Variants in DYNC1H1 observed in about 807,000 individuals in gnomAD.
The protein encoded by DYNC1H1 is cytoplasmic dynein 1 heavy chain 1.
Under a neutral mutation model 527.1 loss-of-function variants are expected in DYNC1H1, and 51 were observed. The observed-to-expected ratio is 0.10, with a 90% confidence interval of 0.08 to 0.12. The LOEUF (loss-of-function observed/expected upper bound fraction) is 0.12, where lower values mean the gene tolerates loss of function less well. Among genes scored for constraint, DYNC1H1 ranks in the 10% least tolerant of loss-of-function variants. The pLI, the probability that DYNC1H1 is intolerant of heterozygous loss-of-function variation, is 1.00. For missense variants in DYNC1H1, 2,771 were observed against 5,971.8 expected, an observed-to-expected ratio of 0.46 and a Z score of 17.66; for synonymous variants, 2,189 against 2,278.8, an observed-to-expected ratio of 0.96 and a Z score of 1.12.
In DYNC1H1 at chr14:102,001,268, G is replaced by A; in HGVS notation, c.4309G>A (p.Val1437Ile). Reference protein sequence around the residue: ...SELTLGQIWDVDLQKNEAIVK... With the variant: ...SELTLGQIWDIDLQKNEAIVK... ...GCTAACCCTTGGCCAAATCTGGGAT[G>A]TTGACTTGCAGAAAAATGAAGCGAT... The change falls in exon 20 of 78, where the codon GTT becomes ATT. Residue 1437 changes from valine (V) to isoleucine (I), a missense_variant. Val to Ile is a conservative substitution (Grantham distance 29). Around this residue, in one of 32 missense-constraint regions of DYNC1H1, gnomAD observed 223 missense variants for 462.5 expected, o/e 0.48. Coordinates refer to ENST00000360184, the MANE Select transcript of DYNC1H1 (RefSeq NM_001376.5). The surrounding 1 kb of genome is among the most constrained non-coding windows in gnomAD (Gnocchi z 5.0). 6.2e-7 allele frequency: 1 copy of A among 1,614,250 alleles called. No homozygotes were observed.
intron 5 of DYNC1H1, among the ~76,000 whole-genome samples, chr14:101,982,261 C>T (rs1020620531): frequency 4.6e-5 from 7 of 152,110 alleles, no homozygotes; most frequent in Non-Finnish European, 1.0e-4. Context: ...AAGCTCAGGG[C>T]TCCCACAGAT....
rs748800196 is a variant in DYNC1H1 at position 102,001,777 on chromosome 14, T to A, written c.4542+96T>A. The A allele has an allele frequency of 2.6e-6, 4 of 1,552,742 alleles. No individual in the cohort carries two copies. Among genetic ancestry groups the A allele is most frequent in the Admixed American group, 1.8e-5 (1 of 56,286 alleles). On this transcript the variant is annotated intron_variant, in intron 21 of 77. Transcript: ENST00000360184. This position sits in a 1 kb window ranked among gnomAD's most constrained non-coding sequence, Gnocchi z 5.0. ...TGACAGTTACTAGGTACCTGTTTTT[T>A]ATTGTATTTTTTGAGACAGGGTCTC...
chr14:102,010,710 G>A lies in DYNC1H1; in HGVS notation c.6406-30G>A, dbSNP rs374299392. 2.9e-5 allele frequency: 46 copies of A among 1,611,236 alleles called. No homozygotes were observed. The East Asian group carries it at 4.0e-4, about 14-fold the overall frequency. ...GCGGGCAGTACTTGAGCCATGCTGC[G>A]CTGCTCACAGCCCAGCCCTCTCCCC... On this transcript the variant is annotated intron_variant, in intron 31 of 77. Coordinates refer to ENST00000360184, the MANE Select transcript of DYNC1H1 (RefSeq NM_001376.5). The surrounding 1 kb of genome is among the most constrained non-coding windows in gnomAD (Gnocchi z 6.0).
rs1023934631 is a variant in DYNC1H1, at chr14:102,033,640, ACT to A, written c.10413+157_10413+158del. Reference sequence around the variant, plus strand: ...ACTTTTTTCCTGGAAAATAATACACACTGAGTAGTCACTAAGTGTTGTTAATT... The same window carrying A: ...ACTTTTTTCCTGGAAAATAATACACAGAGTAGTCACTAAGTGTTGTTAATT... On this transcript the variant is annotated intron_variant, in intron 54 of 77. Transcript: ENST00000360184. The surrounding 1 kb of genome is among the most constrained non-coding windows in gnomAD (Gnocchi z 5.6). 14 of 906,454 alleles carry A rather than the reference ACT, an allele frequency of 1.5e-5. No homozygotes were observed. In the African/African-American group the frequency reaches 2.0e-4, roughly 13 times the overall value. 56.2% of individuals were successfully genotyped at this position (906,454 alleles called of 1,614,324 possible).
In DYNC1H1 at chr14:102,050,884, G is replaced by A. The variant is rs1209106263; in HGVS notation, c.*321G>A. 5.2e-6 allele frequency: 2 copies of A among 385,388 alleles called. No individual in the cohort carries two copies. Among genetic ancestry groups the A allele is most frequent in the East Asian group, 6.2e-5 (1 of 16,062 alleles). The allele number at this position is 385,388 out of a possible 1,614,324, so 23.9% of individuals were successfully genotyped here. On this transcript the variant is annotated 3_prime_UTR_variant, in exon 78 of 78. Transcript: ENST00000360184. ...AGGGAGGGCAGCCCACGGCAGCCAT[G>A]CCCCTCCCCACCTCGCTTTCATCAT...
At position 102,016,099 on chromosome 14, in the gene DYNC1H1, CAG is replaced by C. The variant is rs2048318238; in HGVS notation, c.7473+14_7473+15del. On this transcript the variant is annotated intron_variant, in intron 36 of 77. Coordinates refer to ENST00000360184, the MANE Select transcript of DYNC1H1 (RefSeq NM_001376.5). The surrounding 1 kb of genome is among the most constrained non-coding windows in gnomAD (Gnocchi z 7.3). ...GCGCTACATTCAGGTCAGGGGGCAT[CAG>C]GGGCTTCACAGAGCTCACCACTGCG... 2 of 1,592,604 alleles carry C rather than the reference CAG, an allele frequency of 1.3e-6. No individual in the cohort carries two copies. Among genetic ancestry groups the C allele is most frequent in the South Asian group, 1.1e-5 (1 of 88,428 alleles).
At chr14:101,978,918 C>G (rs964596029) in intron 2 of DYNC1H1, among the ~76,000 whole-genome samples, 2 of 152,158 alleles carry the variant, frequency 1.3e-5, no homozygotes, top group Non-Finnish European at 2.9e-5. Context: ...GGAGGTGAAA[C>G]AGGAAAAGCT....
rs1300781696 is a variant in DYNC1H1, at chr14:102,020,082, G to A, written c.8507+26G>A. 6 of 1,612,906 alleles carry A rather than the reference G, an allele frequency of 3.7e-6. No homozygotes were observed. Among genetic ancestry groups the A allele is most frequent in the Non-Finnish European group, 4.2e-6 (5 of 1,179,600 alleles). On this transcript the variant is annotated intron_variant, in intron 42 of 77. Transcript: ENST00000360184. This position sits in a 1 kb window ranked among gnomAD's most constrained non-coding sequence, Gnocchi z 4.3. ...GTAAGGGAAGCCGAGGATCCAGTTG[G>A]TCCCATTCTCCCCTGCTCTGAGTTC...
At position 102,039,088 on chromosome 14, in the gene DYNC1H1, C is replaced by T. The variant is rs777581372; in HGVS notation, c.11294C>T (p.Thr3765Met). Reference sequence around the variant, plus strand: ...AAAGGGCGCATTTTGGATGACGACACGATCATAACCACTCTGGAGAACCTG... The same window carrying T: ...AAAGGGCGCATTTTGGATGACGACATGATCATAACCACTCTGGAGAACCTG... ...EVKGRILDDD[T>M]IITTLENLKR... The change falls in exon 60 of 78, where the codon ACG (threonine) becomes ATG (methionine). Residue 3765 changes from threonine (T) to methionine (M), a missense_variant. Transcript: ENST00000360184. The surrounding 1 kb of genome is among the most constrained non-coding windows in gnomAD (Gnocchi z 7.0). 3 of 1,614,192 alleles carry T rather than the reference C, an allele frequency of 1.9e-6. No homozygotes were observed. The highest frequency in any genetic ancestry group is 2.5e-6 in the Non-Finnish European group (3 of 1,180,048).
Position 102,017,371 on chromosome 14 carries a change from C to G in DYNC1H1, c.8056-12C>G, listed in dbSNP as rs769278657. ...GTTTTGCTCTTAATGTGGTACCTGT[C>G]CCTTCCTTCAGATGGTGGAGCACGG... On this transcript the variant is annotated splice_polypyrimidine_tract_variant and intron_variant, in intron 39 of 77. Coordinates refer to ENST00000360184, the MANE Select transcript of DYNC1H1 (RefSeq NM_001376.5). This position sits in a 1 kb window ranked among gnomAD's most constrained non-coding sequence, Gnocchi z 4.6. 6.2e-7 allele frequency: 1 copy of G among 1,614,214 alleles called. No homozygotes were observed. Among genetic ancestry groups the G allele is most frequent in the Non-Finnish European group, 8.5e-7 (1 of 1,180,032 alleles).
In DYNC1H1 at chr14:102,044,023, C is replaced by T. The variant is rs1006275897; in HGVS notation, c.12662C>T (p.Thr4221Met). 1.2e-6 allele frequency: 2 copies of T among 1,614,004 alleles called. No homozygotes were observed. The highest frequency in any genetic ancestry group is 8.5e-7 in the Non-Finnish European group (1 of 1,180,036). The change falls in exon 70 of 78, where the codon ACG becomes ATG. Residue 4221 changes from threonine to methionine, a missense_variant. Thr to Met is a moderately conservative substitution (Grantham distance 81). This residue lies in a region of DYNC1H1 where 195 missense variants were observed against 428.6 expected (regional missense o/e 0.45). Transcript: ENST00000360184. This position sits in a 1 kb window ranked among gnomAD's most constrained non-coding sequence, Gnocchi z 7.1. ...DLRSACDTVD[T>M]WLDDTAKGRQ... is the part of the protein sequence containing the mutation. ...CGGTCAGCTTGCGATACGGTGGACA[C>T]GTGGCTGGATGACACGGCCAAGGCA...
intron 73 of DYNC1H1, 109 bp downstream of exon 73, chr14:102,048,137 A>T (rs561995178): frequency 7.3e-7 from 1 of 1,374,502 alleles, no homozygotes; most frequent in East Asian, 2.5e-5. Context: ...GACGGAACGT[A>T]CTCACACCGG....
At position 102,027,332 on chromosome 14, in the gene DYNC1H1, G is replaced by A. The variant is rs1168076551; in HGVS notation, c.8886+44G>A. ...CTCTTAATCCCAGCAACAGATGTGTGTGCAGAGCTCAGTGAGTAGGAATGG... is the reference window on the plus strand; with the variant it reads ...CTCTTAATCCCAGCAACAGATGTGTATGCAGAGCTCAGTGAGTAGGAATGG... On this transcript the variant is annotated intron_variant, in intron 45 of 77. Coordinates refer to ENST00000360184, the MANE Select transcript of DYNC1H1 (RefSeq NM_001376.5). This position sits in a 1 kb window ranked among gnomAD's most constrained non-coding sequence, Gnocchi z 7.7. 3.7e-6 allele frequency: 6 copies of A among 1,614,024 alleles called. No homozygotes were observed. The highest frequency in any genetic ancestry group is 3.3e-4 in the Middle Eastern group (2 of 6,084).
chr14:102,011,089 G>A lies in DYNC1H1; in HGVS notation c.6618+137G>A. Reference sequence around the variant, plus strand: ...TGCATAATATGCTTTATGAAGATTTGCCCAAGGCCTATTTGAATTTTTGTT... The same window carrying A: ...TGCATAATATGCTTTATGAAGATTTACCCAAGGCCTATTTGAATTTTTGTT... On this transcript the variant is annotated intron_variant, in intron 32 of 77. Transcript: ENST00000360184. The surrounding 1 kb of genome is among the most constrained non-coding windows in gnomAD (Gnocchi z 5.3). 1 of 932,578 alleles carries A rather than the reference G, an allele frequency of 1.1e-6. No individual in the cohort carries two copies. The highest frequency in any genetic ancestry group is 2.0e-5 in the Admixed American group (1 of 50,432). 57.8% of individuals were successfully genotyped at this position (932,578 alleles called of 1,614,324 possible).
rs2152594963 is a variant in DYNC1H1 at position 102,039,107 on chromosome 14, G to A, written c.11313G>A (p.Glu3771=). 1 of 1,614,238 alleles carries A rather than the reference G, an allele frequency of 6.2e-7. No homozygotes were observed. Among genetic ancestry groups the A allele is most frequent in the Middle Eastern group, 1.6e-4 (1 of 6,062 alleles). ...LDDDTIITTL[E]NLKREAAEVT... Reference sequence around the variant, plus strand: ...ACGACACGATCATAACCACTCTGGAGAACCTGAAGAGAGAGGCTGCAGAGG... The same window carrying A: ...ACGACACGATCATAACCACTCTGGAAAACCTGAAGAGAGAGGCTGCAGAGG... The change falls in exon 60 of 78, where the codon GAG becomes GAA. Residue 3771 remains glutamate, a synonymous_variant. Transcript: ENST00000360184. This position sits in a 1 kb window ranked among gnomAD's most constrained non-coding sequence, Gnocchi z 7.0.
chr14:102,004,993 G>C, intron 25 of DYNC1H1, 43 bp downstream of exon 25: 3 of 1,614,152 alleles, frequency 1.9e-6, no homozygotes, highest in Non-Finnish European at 2.5e-6. Context: ...TGAAAACGCA[G>C]ACCAATCTTT....
chr14:101,999,628 G>C (rs2048107393), intron 16 of DYNC1H1, among the ~76,000 whole-genome samples: 1 of 152,110 alleles, frequency 6.6e-6, no homozygotes, highest in African/African-American at 2.4e-5. Context: ...GTGTTCTCTG[G>C]GGAAGTTGTG....
chr14:102,048,921 G>C, intron 74 of DYNC1H1: 1 of 541,688 alleles, frequency 1.8e-6, no homozygotes, highest in East Asian at 3.5e-5. Context: ...TAGTTTTTTA[G>C]GGGTCTTCCA....
At chr14:102,022,904 A>C (rs750698556) in intron 43 of DYNC1H1, 24 bp downstream of exon 43, 1 of 1,614,118 alleles carries the variant, frequency 6.2e-7, no homozygotes, top group East Asian at 2.2e-5. Flanking sequence ...ATCATTTCAG[A>C]CATACTTCTT....
Sources: gnomAD v4.1 joint callset for allele counts (sites outside exome capture counted in the v4.1 genomes callset) on GRCh38, gnomAD v4.1.1 for gene constraint, gnomAD v4.1.1 regional missense constraint, Gnocchi (gnomAD v3.1) non-coding constraint, MANE v1.5 for transcripts, NCBI Gene and HGNC (gene_info 2026-07-23, HGNC 2026-07-21) for gene names.